The following SEC22A variants were observed in gnomAD, a reference collection of about 807,000 sequenced individuals.
The protein encoded by SEC22A is vesicle-trafficking protein SEC22a.
SEC22A carries 22 observed loss-of-function variants against 35.3 expected under a neutral mutation model. The ratio of observed to expected loss-of-function variants is 0.62; its 90% CI spans 0.45 to 0.89. The LOEUF is 0.89. Ranked by LOEUF, SEC22A falls within the 40% of genes least tolerant of loss-of-function variation. The pLI is 0.00. For missense variants in SEC22A, 354 were observed against 362.5 expected (o/e 0.98, Z 0.19); for synonymous variants, 119 against 129.5 (o/e 0.92, Z 0.55).
intron 5 of SEC22A, among the ~76,000 whole-genome samples, chr3:123,248,071 G>A (rs1422741329): frequency 6.6e-6 from 1 of 152,150 alleles, no homozygotes; most frequent in Non-Finnish European, 1.5e-5. Flanking sequence ...ATTTGATAAA[G>A]AACATCTATT....
chr3:123,261,768 C>T (rs1937898659), intron 6 of SEC22A, among the ~76,000 whole-genome samples: 1 of 152,184 alleles, frequency 6.6e-6, no homozygotes, highest in Non-Finnish European at 1.5e-5. Flanking sequence ...ATCGTCCTCA[C>T]TGAGGTATAG....
At chr3:123,241,125 A>G (rs778615854) in intron 4 of SEC22A, among the ~76,000 whole-genome samples, 20 of 152,106 alleles carry the variant, frequency 1.3e-4, no homozygotes, top group Non-Finnish European at 2.4e-4. Context: ...TTTTTTAGAA[A>G]TACAGTAAAC....
chr3:123,269,935 A>AT (rs1938121206), intron 6 of SEC22A, among the ~76,000 whole-genome samples: 1 of 100,092 alleles, frequency 1.0e-5, no homozygotes. Context: ...CCTGGCCAAA[A>AT]ATTTTTTTAA....
In SEC22A at chr3:123,242,410, AT is replaced by A. The variant is rs779851993; in HGVS notation, c.542-3482del. Among the ~76,000 whole-genome samples, 17 of 151,808 alleles carry A rather than the reference AT, an allele frequency of 1.1e-4. 1 individual carries two copies. The highest frequency in any genetic ancestry group is 1.9e-4 in the East Asian group (1 of 5,186). ...AGGTAAAACCTCAACATTTCTTTGAATTTTTTTCCCCCTTTTGTTTGCCACA... is the reference window on the plus strand; with the variant it reads ...AGGTAAAACCTCAACATTTCTTTGAATTTTTTCCCCCTTTTGTTTGCCACA... On this transcript the variant is annotated intron_variant, in intron 4 of 6. Coordinates refer to ENST00000492595, the MANE Select transcript of SEC22A (RefSeq NM_012430.5).
chr3:123,241,143 CTG>C (rs1343388709), intron 4 of SEC22A, among the ~76,000 whole-genome samples: 1 of 151,838 alleles, frequency 6.6e-6, no homozygotes, highest in Non-Finnish European at 1.5e-5. Context: ...AACACATTAA[CTG>C]TACTCAGAAT....
chr3:123,272,814 A>C lies in SEC22A; in HGVS notation c.*1092A>C, dbSNP rs1283876668. ...ACTTAAAGACATGTTGTGTGCCACC[A>C]GTGGCATGGGTCCGCACTATGGAAA... On this transcript the variant is annotated 3_prime_UTR_variant, in exon 7 of 7. Coordinates refer to ENST00000492595, the MANE Select transcript of SEC22A (RefSeq NM_012430.5). 1.3e-5 allele frequency: 2 copies of C among 153,834 alleles called. No individual in the cohort carries two copies. Among genetic ancestry groups the C allele is most frequent in the African/African-American group, 2.4e-5 (1 of 41,474 alleles). 9.5% of individuals were successfully genotyped at this position (153,834 alleles called of 1,614,324 possible).
intron 6 of SEC22A, among the ~76,000 whole-genome samples, chr3:123,265,384 CTAT>C (rs770433741): frequency 1.3e-5 from 2 of 150,702 alleles, no homozygotes; most frequent in Non-Finnish European, 2.9e-5. Flanking sequence ...CTTTCCCAGT[CTAT>C]GTTTTTTTTT....
intron 6 of SEC22A, among the ~76,000 whole-genome samples, chr3:123,268,252 C>T (rs1368451486): frequency 1.3e-5 from 2 of 152,144 alleles, no homozygotes; most frequent in Admixed American, 1.3e-4. Flanking sequence ...TGCCTCTTTC[C>T]TGGTCTTTTA....
chr3:123,235,584 G>A (rs1331762811), intron 4 of SEC22A, among the ~76,000 whole-genome samples: 6 of 152,182 alleles, frequency 3.9e-5, no homozygotes, highest in Admixed American at 3.3e-4. Flanking sequence ...TGCCAGTGGG[G>A]TTGTAAAATT....
intron 4 of SEC22A, among the ~76,000 whole-genome samples, chr3:123,232,603 T>C (rs1465613948): frequency 6.6e-6 from 1 of 152,124 alleles, no homozygotes; most frequent in African/African-American, 2.4e-5. Context: ...TCCCACCACT[T>C]TGGGAGGCCG....
chr3:123,214,872 T>G (rs1044648523), intron 2 of SEC22A, among the ~76,000 whole-genome samples: 1 of 152,254 alleles, frequency 6.6e-6, no homozygotes, highest in African/African-American at 2.4e-5. Context: ...GTGAATTCAT[T>G]TGAAGCCGTA....
intron 6 of SEC22A, among the ~76,000 whole-genome samples, chr3:123,260,384 G>A (rs1459299532): frequency 1.3e-5 from 2 of 152,082 alleles, no homozygotes; most frequent in African/African-American, 4.8e-5. Context: ...ACAGGTAGAA[G>A]GTAATGAAAG....
At chr3:123,226,788 C>T (rs1304639532) in intron 4 of SEC22A, among the ~76,000 whole-genome samples, 1 of 152,134 alleles carries the variant, frequency 6.6e-6, no homozygotes, top group Admixed American at 6.6e-5. Flanking sequence ...AGATCTTTGC[C>T]CAGGCCAATG....
chr3:123,246,674 GA>G (rs1215351058), intron 5 of SEC22A, among the ~76,000 whole-genome samples: 1 of 152,042 alleles, frequency 6.6e-6, no homozygotes, highest in Non-Finnish European at 1.5e-5. Context: ...TAAACTTTTT[GA>G]AATTTTTTTT....
intron 2 of SEC22A, among the ~76,000 whole-genome samples, chr3:123,218,229 AAAG>A (rs1460135305): frequency 6.6e-6 from 1 of 152,146 alleles, no homozygotes; most frequent in African/African-American, 2.4e-5. Context: ...ACTTGACCCT[AAAG>A]AAGTTCCTAG....
chr3:123,271,951 C>T lies in SEC22A; in HGVS notation c.*229C>T. 1 of 562,310 alleles carries T rather than the reference C, an allele frequency of 1.8e-6. No homozygotes were observed. Among genetic ancestry groups the T allele is most frequent in the Non-Finnish European group, 3.2e-6 (1 of 315,234 alleles). The allele number at this position is 562,310 out of a possible 1,614,324, so 34.8% of individuals were successfully genotyped here. A position where few individuals can be genotyped will look rare whatever the true frequency, so the allele number is the denominator to read the frequency against. ...CAGAGGAGGAGGGGATTTCTCTCTTCAAGGCCGTAACAGTGGAAGAACAGT... is the reference window on the plus strand; with the variant it reads ...CAGAGGAGGAGGGGATTTCTCTCTTTAAGGCCGTAACAGTGGAAGAACAGT... On this transcript the variant is annotated 3_prime_UTR_variant, in exon 7 of 7. Coordinates refer to ENST00000492595, the MANE Select transcript of SEC22A (RefSeq NM_012430.5).
At chr3:123,207,061 G>A (rs1312978816) in intron 1 of SEC22A, among the ~76,000 whole-genome samples, 1 of 152,184 alleles carries the variant, frequency 6.6e-6, no homozygotes, top group African/African-American at 2.4e-5. Context: ...ACACTCGTCT[G>A]GGTGACACAG....
intron 6 of SEC22A, 78 bp from the exon 7 acceptor site, chr3:123,271,444 C>T (rs9860349): frequency 0.19 from 228,920 of 1,204,524 alleles, 22,596 homozygotes; most frequent in Middle Eastern, 0.28. Flanking sequence ...ACTCTCTGAC[C>T]TGTTACAATT....
chr3:123,245,797 T>C, intron 4 of SEC22A, 102 bp from the exon 5 acceptor site: 1 of 656,732 alleles, frequency 1.5e-6, no homozygotes, highest in East Asian at 2.5e-5. Flanking sequence ...CTATGAAGTA[T>C]CTGCTTGACC....
Sources: gnomAD v4.1 joint callset for allele counts (sites outside exome capture counted in the v4.1 genomes callset) on GRCh38, gnomAD v4.1.1 for gene constraint, MANE v1.5 for transcripts, NCBI Gene and HGNC (gene_info 2026-07-23, HGNC 2026-07-21) for gene names.